The following LAP3 variants were observed in gnomAD, a reference collection of about 807,000 sequenced individuals.
LAP3 encodes cytosol aminopeptidase.
Under a neutral mutation model 58.8 loss-of-function variants are expected in LAP3, and 46 were observed. The ratio of observed to expected loss-of-function variants is 0.78; its 90% CI spans 0.62 to 1.00. The LOEUF (loss-of-function observed/expected upper bound fraction) is 1.00, where lower values mean the gene tolerates loss of function less well. Among genes scored for constraint, LAP3 ranks in the 50% least tolerant of loss-of-function variants. The probability of loss-of-function intolerance (pLI) is 0.00; values close to 1 mark genes in which losing one functional copy is unlikely to be tolerated. For missense variants in LAP3, 615 were observed against 659.1 expected, an observed-to-expected ratio of 0.93 and a Z score of 0.73; for synonymous variants, 257 against 237.7, an observed-to-expected ratio of 1.08 and a Z score of -0.75.
At chr4:17,594,951 A>G (rs757025652) in intron 7 of LAP3, among the ~76,000 whole-genome samples, 4 of 152,100 alleles carry the variant, frequency 2.6e-5, no homozygotes, top group Non-Finnish European at 5.9e-5. Flanking sequence ...TCTTGATTTT[A>G]TGATATAGTA....
intron 10 of LAP3, among the ~76,000 whole-genome samples, chr4:17,602,320 G>A (rs1714000689): frequency 1.3e-5 from 2 of 152,142 alleles, no homozygotes; most frequent in African/African-American, 4.8e-5. Flanking sequence ...AGATGGGCCA[G>A]GCAAATAACA....
intron 3 of LAP3, 40 bp downstream of exon 3, chr4:17,581,854 G>C (rs1377280866): frequency 6.7e-7 from 1 of 1,503,116 alleles, no homozygotes; most frequent in Non-Finnish European, 9.3e-7. Context: ...CCCTCAATGA[G>C]CATCTACTGT....
chr4:17,607,616 CTG>C lies in LAP3; in HGVS notation c.*29_*30del. 6.4e-7 allele frequency: 1 copy of C among 1,557,214 alleles called. No homozygotes were observed. Among genetic ancestry groups the C allele is most frequent in the Non-Finnish European group, 8.7e-7 (1 of 1,148,054 alleles). ...TCAGATACTCAAAAATGTCTTCACT[CTG>C]TCTTAAATTGGACAGTTGAACTTAA... On this transcript the variant is annotated 3_prime_UTR_variant, in exon 13 of 13. Transcript: ENST00000226299.
At position 17,604,687 on chromosome 4, in the gene LAP3, A is replaced by G. The variant is rs373214602; in HGVS notation, c.1260+20A>G. The G allele has an allele frequency of 3.1e-5, 47 of 1,522,652 alleles. No individual in the cohort carries two copies. Among genetic ancestry groups the G allele is most frequent in the Non-Finnish European group, 4.1e-5 (45 of 1,096,636 alleles). 94.3% of individuals were successfully genotyped at this position (1,522,652 alleles called of 1,614,324 possible). ...TTCGAGGTAGGAATAATATTTGTAT[A>G]TCTAAATTGTAGAGATGGTGAATAA... is the stretch of plus-strand genomic sequence containing the variant. On this transcript the variant is annotated intron_variant, in intron 11 of 12. Transcript: ENST00000226299.
In LAP3 at chr4:17,579,884, G is replaced by T. The variant is rs1713306547; in HGVS notation, c.163G>T (p.Ala55Ser). The T allele has an allele frequency of 6.2e-7, 1 of 1,612,388 alleles. No individual in the cohort carries two copies. Among genetic ancestry groups the T allele is most frequent in the Non-Finnish European group, 8.5e-7 (1 of 1,179,238 alleles). The change falls in exon 2 of 13, where the codon GCA (alanine) becomes TCA (serine). Residue 55 changes from alanine (A) to serine (S), a missense_variant. Ala to Ser is a moderately conservative substitution (Grantham distance 99). Coordinates refer to ENST00000226299, the MANE Select transcript of LAP3 (RefSeq NM_015907.3). ...AGATGATGTGCCACAGTTCACAAGT[G>T]CAGGAGAGAATTTTGATAAATTGTT... Reference protein sequence around the residue: ...KEDDVPQFTSAGENFDKLLAG... With the variant: ...KEDDVPQFTSSGENFDKLLAG...
chr4:17,606,480 A>G (rs1316907530), intron 11 of LAP3, among the ~76,000 whole-genome samples: 3 of 152,118 alleles, frequency 2.0e-5, no homozygotes, highest in Non-Finnish European at 2.9e-5. Context: ...CTGGGACTAC[A>G]GGCGCGCACC....
intron 1 of LAP3, among the ~76,000 whole-genome samples, chr4:17,579,205 T>C (rs1378263107): frequency 6.6e-6 from 1 of 152,158 alleles, no homozygotes; most frequent in African/African-American, 2.4e-5. Flanking sequence ...GAATAATGAC[T>C]AGGAAATCAT....
intron 1 of LAP3, among the ~76,000 whole-genome samples, chr4:17,578,869 T>A (rs915214017): frequency 6.6e-6 from 1 of 152,102 alleles, no homozygotes; most frequent in African/African-American, 2.4e-5. Flanking sequence ...GCAACAGTCC[T>A]TACGATGGGA....
chr4:17,577,525 A>G lies in LAP3; in HGVS notation c.60A>G (p.Arg20=), dbSNP rs749325072. The G allele has an allele frequency of 6.3e-7, 1 of 1,581,714 alleles. No individual in the cohort carries two copies. The stretch of plus-strand genomic sequence containing the variant: ...TAGTCGTCCGACGTCTGGCCGTGAG[A>G]CGTTTCGGGAGCCGGAGTCTCTCCA... ...GRVVVRRLAV[R]RFGSRSLSTA... is the part of the protein sequence containing the mutation. Residue 20 remains arginine, a synonymous_variant, in exon 1 of 13, where the codon AGA becomes AGG. Coordinates refer to ENST00000226299, the MANE Select transcript of LAP3 (RefSeq NM_015907.3).
intron 7 of LAP3, among the ~76,000 whole-genome samples, chr4:17,593,871 C>T (rs964844311): frequency 6.6e-6 from 1 of 152,042 alleles, no homozygotes; most frequent in African/African-American, 2.4e-5. Flanking sequence ...CCTCAGCCTC[C>T]CTAAGTGCTG....
chr4:17,599,920 C>G (rs900666730), intron 10 of LAP3, among the ~76,000 whole-genome samples: 6 of 152,086 alleles, frequency 3.9e-5, no homozygotes, highest in Non-Finnish European at 5.9e-5. Flanking sequence ...TACTTGGGGA[C>G]AATTCCATTT....
rs372684340 is a variant in LAP3 at position 17,597,714 on chromosome 4, A to T, written c.1077+580A>T. On this transcript the variant is annotated intron_variant, in intron 9 of 12. Coordinates refer to ENST00000226299, the MANE Select transcript of LAP3 (RefSeq NM_015907.3). ...CATGAATTTGCTGCCAGCCCTGCAG[A>T]GGGCGGCAAAGCAGTAAAATTGTGG... Among the ~76,000 whole-genome samples, 206 of 152,326 alleles carry T rather than the reference A, an allele frequency of 1.4e-3. 6 individuals are homozygous for T. In the South Asian group the frequency reaches 0.03, roughly 22 times the overall value.
rs771938274 is a variant in LAP3 at position 17,579,957 on chromosome 4, G to A, written c.218+18G>A. 7.1e-7 allele frequency: 1 copy of A among 1,415,830 alleles called. No individual in the cohort carries two copies. The highest frequency in any genetic ancestry group is 1.4e-5 in the African/African-American group (1 of 69,592). The allele number at this position is 1,415,830 out of a possible 1,614,324, so 87.7% of individuals were successfully genotyped here. ...TTGAACATGTAAGTGTTGCTTGTGG[G>A]CTCTAGTTCTTAAAGTGCCCCCAAA... On this transcript the variant is annotated intron_variant, in intron 2 of 12. Transcript: ENST00000226299.
intron 11 of LAP3, 90 bp downstream of exon 11, chr4:17,604,757 A>G (rs1198032138): frequency 1.4e-5 from 14 of 1,011,690 alleles, no homozygotes; most frequent in Non-Finnish European, 2.1e-5. Flanking sequence ...CCCTGTGTTA[A>G]AGTGATTTTT....
intron 10 of LAP3, among the ~76,000 whole-genome samples, chr4:17,601,244 G>A (rs1713973800): frequency 6.6e-6 from 1 of 152,146 alleles, no homozygotes; most frequent in Admixed American, 6.6e-5. Flanking sequence ...AAATAAAAAT[G>A]GGAAGTATGC....
Position 17,579,886 on chromosome 4 carries a change from A to T in LAP3, c.165A>T (p.Ala55=), listed in dbSNP as rs1394661107. The T allele has an allele frequency of 1.2e-6, 2 of 1,612,702 alleles. No homozygotes were observed. Among genetic ancestry groups the T allele is most frequent in the South Asian group, 1.1e-5 (1 of 90,848 alleles). ...ATGATGTGCCACAGTTCACAAGTGC[A>T]GGAGAGAATTTTGATAAATTGTTAG... ...KEDDVPQFTS[A]GENFDKLLAG... The change falls in exon 2 of 13, where the codon GCA becomes GCT. Residue 55 remains alanine, a synonymous_variant. Transcript: ENST00000226299.
chr4:17,600,362 CTATT>C (rs1248205509), intron 10 of LAP3, among the ~76,000 whole-genome samples: 4 of 133,970 alleles, frequency 3.0e-5, no homozygotes, highest in East Asian at 2.1e-4. Flanking sequence ...TTTGGTCTAT[CTATT>C]CAGTTTAGCA....
At chr4:17,582,457 C>T (rs1713390665) in intron 4 of LAP3, 64 bp downstream of exon 4, 2 of 1,293,526 alleles carry the variant, frequency 1.5e-6, no homozygotes, top group Non-Finnish European at 2.2e-6. Context: ...CCTCTCTTTC[C>T]CCTTTTTGTC....
intron 10 of LAP3, among the ~76,000 whole-genome samples, chr4:17,600,119 C>T (rs1408405514): frequency 6.6e-6 from 1 of 152,204 alleles, no homozygotes; most frequent in Non-Finnish European, 1.5e-5. Context: ...TTCATCCTGA[C>T]TCTACCCCTT....
Sources: gnomAD v4.1 joint callset for allele counts (sites outside exome capture counted in the v4.1 genomes callset) on GRCh38, gnomAD v4.1.1 for gene constraint, MANE v1.5 for transcripts, NCBI Gene and HGNC (gene_info 2026-07-23, HGNC 2026-07-21) for gene names.